The following FBXO38 variants were observed in gnomAD, a reference collection of about 807,000 sequenced individuals.
FBXO38 encodes the protein F-box protein 38.
FBXO38 carries 53 observed loss-of-function variants against 131.9 expected under a neutral mutation model. That is an observed-to-expected ratio of 0.40 (90% confidence interval 0.32 to 0.51). The LOEUF (loss-of-function observed/expected upper bound fraction) is 0.51. FBXO38 is among the 20% of genes least tolerant of loss of function. FBXO38 has a pLI of 0.53. For synonymous variants in FBXO38, 452 were observed against 505.6 expected (o/e 0.89, Z 1.42); for missense variants, 1,076 against 1,475.6 (o/e 0.73, Z 4.44).
intron 15 of FBXO38, among the ~76,000 whole-genome samples, chr5:148,429,401 C>G (rs556877986): frequency 6.6e-6 from 1 of 151,728 alleles, no homozygotes; most frequent in Non-Finnish European, 1.5e-5. Flanking sequence ...CATTCTCGTG[C>G]TATGATTTTG....
intron 17 of FBXO38, among the ~76,000 whole-genome samples, chr5:148,435,724 T>C (rs569533454): frequency 2.0e-5 from 3 of 152,232 alleles, no homozygotes; most frequent in East Asian, 1.9e-4. Context: ...GAGCCGAGAC[T>C]GCGCAGCTGC....
chr5:148,415,091 T>G (rs1752974627), intron 10 of FBXO38, among the ~76,000 whole-genome samples: 1 of 152,160 alleles, frequency 6.6e-6, no homozygotes, highest in Non-Finnish European at 1.5e-5. Context: ...TAGTCATGTC[T>G]CATGTGCCAG....
rs144762720 is a variant in FBXO38, at chr5:148,442,196, A to T, written c.*49A>T. On this transcript the variant is annotated 3_prime_UTR_variant, in exon 22 of 22. Transcript: ENST00000340253. ...ATTTTGTCAGAAAGCAAGTAGGGCC[A>T]TCCAGCTGCCAGAGTGCTCCACAGG... 8.4e-5 allele frequency: 133 copies of T among 1,574,854 alleles called. No individual in the cohort carries two copies. In the Middle Eastern group the frequency reaches 1.0e-3, roughly 12 times the overall value.
chr5:148,386,706 A>G (rs955825083), intron 1 of FBXO38, among the ~76,000 whole-genome samples: 1 of 152,100 alleles, frequency 6.6e-6, no homozygotes, highest in African/African-American at 2.4e-5. Context: ...CTTTATATAT[A>G]ATACTCTCCT....
rs72832036 is a variant in FBXO38 at position 148,418,593 on chromosome 5, G to C, written c.1618+1389G>C. Among the ~76,000 whole-genome samples the C allele has an allele frequency of 1.8e-3, 276 of 152,280 alleles. 3 individuals carry two copies. Among genetic ancestry groups the C allele is most frequent in the Admixed American group, 4.4e-3 (67 of 15,298 alleles). On this transcript the variant is annotated intron_variant, in intron 12 of 21. Coordinates refer to ENST00000340253, the MANE Select transcript of FBXO38 (RefSeq NM_205836.3). ...GGGAAAGAGAGGGCGAGACAGTCAC[G>C]TATTGTCTCTTTGCTTTGTTGTCCT...
intron 1 of FBXO38, among the ~76,000 whole-genome samples, chr5:148,387,071 CA>C: frequency 6.6e-6 from 1 of 152,128 alleles, no homozygotes; most frequent in African/African-American, 2.4e-5. Flanking sequence ...AAGTTTGCCT[CA>C]TTGATTGGCT....
At position 148,433,681 on chromosome 5, in the gene FBXO38, A is replaced by G. The variant is rs1463668452; in HGVS notation, c.2801A>G (p.Asn934Ser). The change falls in exon 17 of 22, where the codon AAT becomes AGT. Residue 934 changes from asparagine to serine, a missense_variant. Asn to Ser is a conservative substitution (Grantham distance 46). Transcript: ENST00000340253. The part of the protein sequence containing the change: ...SKNLVGVTMT[N>S]CGITDLVLKD... ...AATCTTGTTGGAGTCACTATGACCAATTGTGGAATCACAGATCTAGTGCTA... is the reference window on the plus strand; with the variant it reads ...AATCTTGTTGGAGTCACTATGACCAGTTGTGGAATCACAGATCTAGTGCTA... The G allele has an allele frequency of 3.1e-6, 5 of 1,611,990 alleles. No homozygotes were observed. Among genetic ancestry groups the G allele is most frequent in the Admixed American group, 3.3e-5 (2 of 59,770 alleles).
At position 148,440,461 on chromosome 5, in the gene FBXO38, CGAAGT is replaced by C; in HGVS notation, c.3213_3217del (p.Ser1071ArgfsTer32). 1 of 1,612,346 alleles carries C rather than the reference CGAAGT, an allele frequency of 6.2e-7. No individual in the cohort carries two copies. Among genetic ancestry groups the C allele is most frequent in the Non-Finnish European group, 8.5e-7 (1 of 1,178,638 alleles). ...ATATGAATTCTTCCCTGAAGCCACT[CGAAGT>C]GAAGAAGACTTAAAGAAATACCCCA... On this transcript the variant is annotated frameshift_variant, in exon 20 of 22. Transcript: ENST00000340253. LOFTEE classifies it high-confidence loss of function.
chr5:148,393,382 C>CA (rs538756479), intron 1 of FBXO38, among the ~76,000 whole-genome samples: 73 of 151,470 alleles, frequency 4.8e-4, no homozygotes, highest in African/African-American at 1.5e-3. Flanking sequence ...ACTGCTGAGG[C>CA]AAAAAAAACC....
intron 1 of FBXO38, among the ~76,000 whole-genome samples, chr5:148,392,420 G>A (rs751623435): frequency 2.6e-5 from 4 of 152,048 alleles, no homozygotes; most frequent in Non-Finnish European, 5.9e-5. Context: ...TTTTGGGGAG[G>A]GGGAGGGTTC....
At chr5:148,401,858 G>T in intron 3 of FBXO38, 124 bp from the exon 4 acceptor site, 1 of 804,650 alleles carries the variant, frequency 1.2e-6, no homozygotes, top group Non-Finnish European at 1.9e-6. Context: ...TTCAGCTTTA[G>T]TGTTAGCTTT....
At chr5:148,433,792 AG>A in intron 17 of FBXO38, 55 bp downstream of exon 17, 1 of 965,102 alleles carries the variant, frequency 1.0e-6, no homozygotes, top group Admixed American at 2.3e-5. Context: ...TAAAAGAATT[AG>A]GAACTCATAA....
chr5:148,441,268 C>G (rs756492323), intron 21 of FBXO38, 31 bp downstream of exon 21: 1 of 1,496,882 alleles, frequency 6.7e-7, no homozygotes, highest in Non-Finnish European at 9.3e-7. Context: ...CATCTATTCT[C>G]TAGTTTAAGT....
intron 1 of FBXO38, among the ~76,000 whole-genome samples, chr5:148,388,292 A>G (rs1758022890): frequency 2.0e-5 from 3 of 152,294 alleles, no homozygotes; most frequent in South Asian, 2.1e-4. Context: ...TAGATTTAGC[A>G]TCATTCTGAA....
rs141063749 is a variant in FBXO38, at chr5:148,415,780, A to G, written c.1265-148A>G. 2.3e-3 allele frequency: 1,703 copies of G among 743,912 alleles called. 17 individuals are homozygous for G. In the African/African-American group the frequency reaches 0.027, roughly 12 times the overall value. The allele number at this position is 743,912 out of a possible 1,614,324, so 46.1% of individuals were successfully genotyped here. ...ATTAGGTATGTAAACATCATAATTT[A>G]GAATCATCGGGTTTTAGAAGTCATG... On this transcript the variant is annotated intron_variant, in intron 10 of 21. Transcript: ENST00000340253.
chr5:148,396,934 A>G (rs10044061), intron 2 of FBXO38, among the ~76,000 whole-genome samples: 38,120 of 151,388 alleles, frequency 0.25, 4,825 homozygotes, highest in South Asian at 0.29. Flanking sequence ...TTGAAAATAG[A>G]TCATATAACA....
At chr5:148,388,359 G>C (rs1758026123) in intron 1 of FBXO38, among the ~76,000 whole-genome samples, 1 of 152,170 alleles carries the variant, frequency 6.6e-6, no homozygotes, top group African/African-American at 2.4e-5. Flanking sequence ...CATGTCACCA[G>C]CTGCATTCTC....
At chr5:148,419,763 C>T (rs935609675) in intron 12 of FBXO38, among the ~76,000 whole-genome samples, 1 of 152,068 alleles carries the variant, frequency 6.6e-6, no homozygotes. Context: ...TCTTTACATG[C>T]ATGGGCCTTT....
At chr5:148,433,091 T>A in intron 15 of FBXO38, 1 of 205,290 alleles carries the variant, frequency 4.9e-6, no homozygotes, top group South Asian at 8.1e-5. Flanking sequence ...AATTTAAAAG[T>A]TTTTTAGTAG....
Sources: allele counts gnomAD v4.1 joint callset (sites outside exome capture counted in the v4.1 genomes callset), GRCh38; gene constraint gnomAD v4.1.1; transcripts MANE v1.5; gene names NCBI Gene and HGNC (gene_info 2026-07-23, HGNC 2026-07-21).